Variants in IL1RAPL1 observed in about 807,000 individuals in gnomAD.
The protein encoded by IL1RAPL1 is interleukin-1 receptor accessory protein-like 1.
IL1RAPL1 carries 3 observed loss-of-function variants against 48.4 expected under a neutral mutation model. The observed-to-expected ratio is 0.06, with a 90% CI of 0.03 to 0.16. IL1RAPL1 has a LOEUF of 0.16. Ranked by LOEUF, IL1RAPL1 falls within the 10% of genes least tolerant of loss-of-function variation. The pLI is 1.00. For missense variants in IL1RAPL1, 349 were observed against 530.6 expected, an observed-to-expected ratio of 0.66 and a Z score of 3.36; for synonymous variants, 185 against 187.7, an observed-to-expected ratio of 0.99 and a Z score of 0.12.
chrX:28,791,327 G>A (rs1936537365), intron 2 of IL1RAPL1, among the ~76,000 whole-genome samples: 1 of 111,267 alleles, frequency 9.0e-6, no homozygotes, highest in South Asian at 3.7e-4. Context: ...TAATATAAAT[G>A]CAAATATTAA....
chrX:29,840,294 A>C (rs1381226410), intron 6 of IL1RAPL1, among the ~76,000 whole-genome samples: 2 of 111,893 alleles, frequency 1.8e-5, no homozygotes, highest in Admixed American at 9.5e-5. Flanking sequence ...AATAGAGTAG[A>C]TGAGCCTCCA....
At chrX:29,068,878 T>G (rs774226328) in intron 2 of IL1RAPL1, among the ~76,000 whole-genome samples, 1 of 112,098 alleles carries the variant, frequency 8.9e-6, no homozygotes, top group East Asian at 2.8e-4. Flanking sequence ...AACTCTGGCT[T>G]CATTGTGAAT....
At chrX:29,457,619 A>T (rs1224081274) in intron 5 of IL1RAPL1, among the ~76,000 whole-genome samples, 3 of 112,118 alleles carry the variant, frequency 2.7e-5, no homozygotes, top group African/African-American at 6.5e-5. Context: ...TGTCTTTGCT[A>T]TTGTGAATAG....
At chrX:29,314,185 T>C (rs780866365) in intron 3 of IL1RAPL1, among the ~76,000 whole-genome samples, 1 of 112,222 alleles carries the variant, frequency 8.9e-6, no homozygotes, top group African/African-American at 3.2e-5. Context: ...CACAGGGTCT[T>C]AGTTCTCTGA....
intron 1 of IL1RAPL1, among the ~76,000 whole-genome samples, chrX:28,678,140 T>C (rs1935019378): frequency 8.9e-6 from 1 of 111,785 alleles, no homozygotes; most frequent in Admixed American, 9.5e-5. Context: ...CTTAGTTTTT[T>C]GGGCCGGATG....
intron 5 of IL1RAPL1, among the ~76,000 whole-genome samples, chrX:29,525,038 A>T (rs1381912526): frequency 8.9e-6 from 1 of 112,399 alleles, no homozygotes; most frequent in African/African-American, 3.2e-5. Context: ...AAACAAACAC[A>T]CTAAGTAGAA....
At chrX:28,721,754 C>G (rs1436894466) in intron 1 of IL1RAPL1, among the ~76,000 whole-genome samples, 1 of 111,185 alleles carries the variant, frequency 9.0e-6, no homozygotes, top group African/African-American at 3.3e-5. Context: ...TTTAATCCAT[C>G]TTGAATTAAT....
intron 2 of IL1RAPL1, among the ~76,000 whole-genome samples, chrX:29,228,605 G>A (rs1246892373): frequency 9.1e-6 from 1 of 110,404 alleles, no homozygotes. Context: ...CACCCGCCTC[G>A]TCCTCCCAAA....
At chrX:29,625,504 A>T (rs1323373046) in intron 5 of IL1RAPL1, among the ~76,000 whole-genome samples, 1 of 111,906 alleles carries the variant, frequency 8.9e-6, no homozygotes, top group Admixed American at 9.5e-5. Flanking sequence ...TTTGGGCTAA[A>T]TGACTGCAAA....
At chrX:28,636,815 A>C (rs1323519827) in intron 1 of IL1RAPL1, among the ~76,000 whole-genome samples, 5 of 111,967 alleles carry the variant, frequency 4.5e-5, no homozygotes, top group Non-Finnish European at 3.8e-5. Context: ...TGTCTCACTG[A>C]TCACAACTGG....
intron 5 of IL1RAPL1, among the ~76,000 whole-genome samples, chrX:29,424,209 G>T (rs1446870757): frequency 4.5e-5 from 5 of 110,837 alleles, no homozygotes; most frequent in Non-Finnish European, 9.4e-5. Flanking sequence ...TTTGTAAGGT[G>T]GGGAGACTAT....
Position 29,910,996 on chromosome X carries a change from T to G in IL1RAPL1, c.779-6468T>G, listed in dbSNP as rs142711731. ...AATATTTAAACATAAGATTCTCTTA[T>G]GGCCTAGCAACATCACTCCTAGGTA... is the stretch of plus-strand genomic sequence containing the variant. On this transcript the variant is annotated intron_variant, in intron 6 of 10. Coordinates refer to ENST00000378993, the MANE Select transcript of IL1RAPL1 (RefSeq NM_014271.4). 6.0e-3 allele frequency among the ~76,000 whole-genome samples: 669 copies of G among 111,596 alleles called. 7 individuals carry two copies. The highest frequency in any genetic ancestry group is 0.028 in the Middle Eastern group (6 of 217).
chrX:29,549,468 C>G (rs1192674988), intron 5 of IL1RAPL1, among the ~76,000 whole-genome samples: 3 of 111,253 alleles, frequency 2.7e-5, no homozygotes, highest in Non-Finnish European at 5.7e-5. Flanking sequence ...TTGTTAATAT[C>G]TTACTGTGCC....
At chrX:29,347,415 G>C (rs1471282557) in intron 3 of IL1RAPL1, among the ~76,000 whole-genome samples, 1 of 101,496 alleles carries the variant, frequency 9.9e-6, no homozygotes, top group Non-Finnish European at 2.0e-5. Context: ...GAGAGAGAGG[G>C]TCTCTCTCTA....
At chrX:28,852,369 G>A (rs779712749) in intron 2 of IL1RAPL1, among the ~76,000 whole-genome samples, 10 of 107,129 alleles carry the variant, frequency 9.3e-5, no homozygotes, top group Non-Finnish European at 1.7e-4. Context: ...GTTAGATGTT[G>A]ATATTTGCAA....
At chrX:29,505,149 TC>T (rs1035134025) in intron 5 of IL1RAPL1, among the ~76,000 whole-genome samples, 1 of 111,811 alleles carries the variant, frequency 8.9e-6, no homozygotes, top group Non-Finnish European at 1.9e-5. Context: ...TTTAGCTACA[TC>T]CCCCCACAGT....
At chrX:28,723,077 G>A (rs1018630143) in intron 1 of IL1RAPL1, among the ~76,000 whole-genome samples, 1 of 111,202 alleles carries the variant, frequency 9.0e-6, no homozygotes, top group Non-Finnish European at 1.9e-5. Flanking sequence ...GTCTCTACCC[G>A]GCTTTGGTAT....
intron 9 of IL1RAPL1, among the ~76,000 whole-genome samples, chrX:29,948,389 G>A (rs183225856): frequency 9.0e-6 from 1 of 111,520 alleles, no homozygotes; most frequent in East Asian, 2.8e-4. Context: ...AATTGCCAGA[G>A]GTTGTCATAG....
intron 6 of IL1RAPL1, among the ~76,000 whole-genome samples, chrX:29,907,241 TTAAA>T (rs1407655870): frequency 3.9e-4 from 43 of 111,468 alleles, no homozygotes; most frequent in African/African-American, 1.0e-3. Flanking sequence ...CAGACACACA[TTAAA>T]TAAACACAAA....
Sources: allele counts gnomAD v4.1 joint callset (sites outside exome capture counted in the v4.1 genomes callset), GRCh38; gene constraint gnomAD v4.1.1; transcripts MANE v1.5; gene names NCBI Gene and HGNC (gene_info 2026-07-23, HGNC 2026-07-21).